The following MMP26 variants were observed in gnomAD, a reference collection of about 807,000 sequenced individuals.
MMP26 encodes matrix metallopeptidase 26.
In MMP26, 33 loss-of-function variants were observed where a neutral mutation model predicts 31.0. That is an observed-to-expected ratio of 1.06 (90% CI 0.81 to 1.42). The LOEUF is 1.42. Among genes scored for constraint, MMP26 ranks in the 40% most tolerant of loss-of-function variants. The pLI is 0.00. For synonymous variants in MMP26, 122 were observed against 114.9 expected, an observed-to-expected ratio of 1.06 and a Z score of -0.40; for missense variants, 347 against 316.1, an observed-to-expected ratio of 1.10 and a Z score of -0.74.
intron 2 of MMP26, among the ~76,000 whole-genome samples, chr11:4,933,897 G>A (rs370206854): frequency 4.3e-4 from 64 of 148,508 alleles, no homozygotes; most frequent in Admixed American, 1.3e-3. Context: ...TACAAAGGAC[G>A]TGAACTCATC....
At chr11:4,773,406 T>C (rs780993630) in intron 2 of MMP26, among the ~76,000 whole-genome samples, 4 of 152,144 alleles carry the variant, frequency 2.6e-5, no homozygotes, top group Non-Finnish European at 4.4e-5. Flanking sequence ...AGCCAACATG[T>C]AGCAAGAAAC....
At chr11:4,904,558 C>G (rs1307666806) in intron 2 of MMP26, among the ~76,000 whole-genome samples, 1 of 152,026 alleles carries the variant, frequency 6.6e-6, no homozygotes, top group Non-Finnish European at 1.5e-5. Flanking sequence ...GTATTATGTA[C>G]ATTTTTACTG....
chr11:4,795,857 AG>A (rs1849101196), intron 2 of MMP26, among the ~76,000 whole-genome samples: 1 of 151,874 alleles, frequency 6.6e-6, no homozygotes, highest in Non-Finnish European at 1.5e-5. Flanking sequence ...AGAGAGAGAG[AG>A]AGAGAGAGAG....
At chr11:4,860,032 T>C (rs1850124628) in intron 2 of MMP26, 1 of 470,940 alleles carries the variant, frequency 2.1e-6, no homozygotes, top group Non-Finnish European at 4.4e-6. Flanking sequence ...ACAGTATGAA[T>C]GAGACAAGAC....
chr11:4,774,978 T>C (rs573115029), intron 2 of MMP26, among the ~76,000 whole-genome samples: 62 of 152,318 alleles, frequency 4.1e-4, no homozygotes, highest in African/African-American at 1.5e-3. Flanking sequence ...TTCTGATCCA[T>C]TGGTCTATGT....
intron 4 of MMP26, 73 bp downstream of exon 4, chr11:4,989,941 T>C: frequency 8.2e-7 from 1 of 1,219,542 alleles, no homozygotes; most frequent in Non-Finnish European, 1.2e-6. Flanking sequence ...AGGTCTCTCC[T>C]GGAGGTACCT....
intron 2 of MMP26, among the ~76,000 whole-genome samples, chr11:4,858,644 T>A (rs980476796): frequency 6.6e-6 from 1 of 152,228 alleles, no homozygotes; most frequent in Non-Finnish European, 1.5e-5. Flanking sequence ...ATGGCCATAC[T>A]GCCCAAAGTA....
At chr11:4,768,868 A>T in intron 2 of MMP26, 1 of 554,232 alleles carries the variant, frequency 1.8e-6, no homozygotes. Flanking sequence ...TTGTTTGGTG[A>T]ATGAAAAATA....
At position 4,970,151 on chromosome 11, in the gene MMP26, C is replaced by T. The variant is rs191270404; in HGVS notation, c.-144-17917C>T. Among the ~76,000 whole-genome samples the T allele has an allele frequency of 4.2e-3, 641 of 152,214 alleles. 17 individuals carry two copies. Among genetic ancestry groups the T allele is most frequent in the Admixed American group, 0.037 (559 of 15,286 alleles). ...GTAAAGCATAGTAATACAAAAAACT[C>T]ACTGGTTTATATAAAGTAGTTCTTA... On this transcript the variant is annotated intron_variant, in intron 2 of 7. Transcript: ENST00000380390.
intron 2 of MMP26, among the ~76,000 whole-genome samples, chr11:4,929,258 T>G (rs1851313533): frequency 6.6e-6 from 1 of 152,088 alleles, no homozygotes; most frequent in South Asian, 2.1e-4. Context: ...TTCCACTGTT[T>G]GAGAACGTTA....
intron 1 of MMP26, among the ~76,000 whole-genome samples, chr11:4,731,481 C>A (rs1023965123): frequency 2.6e-5 from 4 of 152,192 alleles, no homozygotes; most frequent in Non-Finnish European, 4.4e-5. Flanking sequence ...AGGACTACGG[C>A]TAGCTAGGAC....
In MMP26 at chr11:4,941,067, TTA is replaced by T. The variant is rs1846198987; in HGVS notation, c.-144-47000_-144-46999del. ...ATTTATTTAAATAAAGAATGATTTT[TTA>T]ATATACATAGGATAAGCCATTTGCT... is the stretch of plus-strand genomic sequence containing the variant. On this transcript the variant is annotated intron_variant, in intron 2 of 7. Coordinates refer to ENST00000380390, the MANE Select transcript of MMP26 (RefSeq NM_021801.5). 6.6e-5 allele frequency among the ~76,000 whole-genome samples: 3 copies of T among 45,620 alleles called. No homozygotes were observed. In the South Asian group the frequency reaches 2.0e-3, roughly 31 times the overall value. The allele number at this position is 45,620 out of a possible 152,430, so 29.9% of individuals were successfully genotyped here.
At chr11:4,978,652 T>C (rs2133638486) in intron 2 of MMP26, among the ~76,000 whole-genome samples, 1 of 152,244 alleles carries the variant, frequency 6.6e-6, no homozygotes, top group Non-Finnish European at 1.5e-5. Context: ...TGGATATTGA[T>C]TTAGTTTGCA....
chr11:4,969,037 G>C (rs1378594319), intron 2 of MMP26, among the ~76,000 whole-genome samples: 1 of 151,792 alleles, frequency 6.6e-6, no homozygotes, highest in Non-Finnish European at 1.5e-5. Context: ...TATTATTTAA[G>C]TAGTTTTGTC....
At chr11:4,775,085 T>G (rs750039430) in intron 2 of MMP26, among the ~76,000 whole-genome samples, 2 of 152,166 alleles carry the variant, frequency 1.3e-5, no homozygotes. Flanking sequence ...TTGTTCTTTT[T>G]GCTTAGGATT....
At chr11:4,808,507 T>C (rs914572041) in intron 2 of MMP26, among the ~76,000 whole-genome samples, 1 of 152,112 alleles carries the variant, frequency 6.6e-6, no homozygotes, top group Admixed American at 6.6e-5. Context: ...ATCTTTAATG[T>C]ATTCTGCCCA....
chr11:4,806,300 C>A (rs997626290), intron 2 of MMP26, among the ~76,000 whole-genome samples: 1 of 152,004 alleles, frequency 6.6e-6, no homozygotes, highest in Non-Finnish European at 1.5e-5. Flanking sequence ...TCTCGTTGGT[C>A]TGTCTAATGT....
intron 2 of MMP26, among the ~76,000 whole-genome samples, chr11:4,806,384 T>A (rs1041117083): frequency 9.9e-5 from 15 of 152,174 alleles, no homozygotes; most frequent in Non-Finnish European, 1.9e-4. Context: ...TCTACGGACT[T>A]GCTTTATGAA....
intron 1 of MMP26, among the ~76,000 whole-genome samples, chr11:4,748,043 C>A (rs938942855): frequency 6.6e-6 from 1 of 151,754 alleles, no homozygotes; most frequent in African/African-American, 2.4e-5. Context: ...AACTGATAGA[C>A]AACTAGCTAG....
Sources: allele counts gnomAD v4.1 joint callset (sites outside exome capture counted in the v4.1 genomes callset), GRCh38; gene constraint gnomAD v4.1.1; transcripts MANE v1.5; gene names NCBI Gene and HGNC (gene_info 2026-07-23, HGNC 2026-07-21).